The following SPMIP5 variants were observed in gnomAD, a reference collection of about 807,000 sequenced individuals.
SPMIP5 encodes sperm-associated microtubule inner protein 5.
chr10:116,664,978 C>A, the SPMIP5 span: 2 of 1,584,498 alleles, frequency 1.3e-6, no homozygotes, highest in South Asian at 1.2e-5. Context: ...ACAGAGAAAG[C>A]AACTAAAAAA....
chr10:116,664,382 T>C, the SPMIP5 span: 3 of 882,230 alleles, frequency 3.4e-6, no homozygotes, highest in African/African-American at 5.1e-5. Context: ...GAACATGGTA[T>C]GTTATTTCTT....
At chr10:116,667,877 C>T in the SPMIP5 span, among the ~76,000 whole-genome samples, 1 of 152,298 alleles carries the variant, frequency 6.6e-6, no homozygotes, top group South Asian at 2.1e-4. Context: ...GATGGGAGCA[C>T]AAGAATAACC....
At chr10:116,664,336 GAATAA>G in the SPMIP5 span, 1 of 1,140,146 alleles carries the variant, frequency 8.8e-7, no homozygotes, top group Non-Finnish European at 1.2e-6. Flanking sequence ...ATAATAAATA[GAATAA>G]AATACAATAC....
chr10:116,668,229 G>A, the SPMIP5 span: 3 of 1,604,822 alleles, frequency 1.9e-6, no homozygotes, highest in Non-Finnish European at 2.6e-6. Context: ...CCCCTGCCAG[G>A]CACAGCTGCA....
At chr10:116,664,554 T>G in the SPMIP5 span, 5 of 1,035,444 alleles carry the variant, frequency 4.8e-6, no homozygotes, top group Non-Finnish European at 6.6e-6. Flanking sequence ...CAGGTAGAGC[T>G]GCTGGGGAAT....
the SPMIP5 span, among the ~76,000 whole-genome samples, chr10:116,667,621 G>A: frequency 6.6e-6 from 1 of 152,192 alleles, no homozygotes; most frequent in African/African-American, 2.4e-5. Context: ...AGAGCCAAGG[G>A]TCTGTGGGGA....
the SPMIP5 span, among the ~76,000 whole-genome samples, chr10:116,662,299 A>G: frequency 6.6e-6 from 1 of 152,228 alleles, no homozygotes; most frequent in African/African-American, 2.4e-5. Flanking sequence ...CCATGATTAC[A>G]GAGATGAGCT....
At chr10:116,669,664 T>C in the SPMIP5 span, among the ~76,000 whole-genome samples, 13 of 152,120 alleles carry the variant, frequency 8.5e-5, no homozygotes, top group Non-Finnish European at 1.5e-4. Context: ...CCCCATTTTA[T>C]AAATGTGAAA....
At chr10:116,666,027 G>T in the SPMIP5 span, among the ~76,000 whole-genome samples, 1 of 152,210 alleles carries the variant, frequency 6.6e-6, no homozygotes, top group African/African-American at 2.4e-5. Context: ...CACAAAAAAT[G>T]ACCTTGGAGC....
the SPMIP5 span, among the ~76,000 whole-genome samples, chr10:116,662,741 G>T: frequency 1.3e-5 from 2 of 151,976 alleles, no homozygotes; most frequent in Non-Finnish European, 2.9e-5. Context: ...CTTGAACTAT[G>T]TCCCTCAAAA....
At chr10:116,667,208 C>T in the SPMIP5 span, among the ~76,000 whole-genome samples, 1 of 152,124 alleles carries the variant, frequency 6.6e-6, no homozygotes, top group African/African-American at 2.4e-5. Context: ...TGGAGAGATG[C>T]TGCCACAAGC....
the SPMIP5 span, chr10:116,668,471 G>T: frequency 1.4e-6 from 1 of 692,274 alleles, no homozygotes; most frequent in Non-Finnish European, 2.6e-6. Context: ...CTTACCCAAA[G>T]CCAGAGACAC....
chr10:116,664,874 C>G, the SPMIP5 span: 2 of 1,614,184 alleles, frequency 1.2e-6, no homozygotes, highest in Middle Eastern at 1.7e-4. Context: ...ATTCAGTGAC[C>G]TTGGCTCTCG....
At chr10:116,665,237 A>C in the SPMIP5 span, 1 of 632,222 alleles carries the variant, frequency 1.6e-6, no homozygotes, top group Non-Finnish European at 2.2e-6. Context: ...TCTCTACTAA[A>C]AATACAAAAA....
chr10:116,662,870 G>T, the SPMIP5 span, among the ~76,000 whole-genome samples: 3 of 152,150 alleles, frequency 2.0e-5, no homozygotes, highest in Non-Finnish European at 4.4e-5. Flanking sequence ...GATCCAGTGC[G>T]ACTGGTGTCC....
chr10:116,665,148 G>C, the SPMIP5 span: 1 of 1,324,890 alleles, frequency 7.5e-7, no homozygotes, highest in Non-Finnish European at 9.6e-7. Context: ...TGTAATCCCA[G>C]CACTTTGGGA....
the SPMIP5 span, chr10:116,664,609 G>T: frequency 7.1e-7 from 1 of 1,409,144 alleles, no homozygotes. Context: ...TACTGGGGAA[G>T]CCCTGAAACT....
the SPMIP5 span, among the ~76,000 whole-genome samples, chr10:116,662,628 G>A: frequency 7.2e-5 from 11 of 152,224 alleles, no homozygotes; most frequent in African/African-American, 2.6e-4. Flanking sequence ...GGATGACAAC[G>A]GTCTCATTGT....
At chr10:116,664,935 A>C in the SPMIP5 span, 1 of 1,612,762 alleles carries the variant, frequency 6.2e-7, no homozygotes, top group Non-Finnish European at 8.5e-7. Flanking sequence ...AGGTTTCTTT[A>C]CATATTTGCA....
Sources: gnomAD v4.1 joint callset for allele counts (sites outside exome capture counted in the v4.1 genomes callset) on GRCh38, gnomAD v4.1.1 for gene constraint, MANE v1.5 for transcripts, NCBI Gene and HGNC (gene_info 2026-07-23, HGNC 2026-07-21) for gene names.